The following ADCY9 variants were observed in gnomAD, a reference collection of about 807,000 sequenced individuals.
The protein encoded by ADCY9 is adenylate cyclase 9.
Under a neutral mutation model 101.5 loss-of-function variants are expected in ADCY9, and 50 were observed. That is an observed-to-expected ratio of 0.49 (90% confidence interval 0.39 to 0.62). The LOEUF (loss-of-function observed/expected upper bound fraction) is 0.62. Ranked by LOEUF, ADCY9 falls within the 20% of genes least tolerant of loss-of-function variation. The pLI, the probability that ADCY9 is intolerant of heterozygous loss-of-function variation, is 0.00. For missense variants in ADCY9, 1,662 were observed against 1,800.4 expected (o/e 0.92, Z 1.39); for synonymous variants, 905 against 769.3 (o/e 1.18, Z -2.92).
rs118165183 is a variant in ADCY9, at chr16:4,021,362, C to T, written c.1694-13804G>A. 1.8e-3 allele frequency among the ~76,000 whole-genome samples: 275 copies of T among 152,318 alleles called. 8 individuals are homozygous for T. In the East Asian group the frequency reaches 0.042, roughly 23 times the overall value. On this transcript the variant is annotated intron_variant, in intron 2 of 10. Transcript: ENST00000294016. ...ACTCCACCATCCCTTGCGCTGAAGCCTTAGCCTCAGGCAAATTCATGAACC... is the reference window on the plus strand; with the variant it reads ...ACTCCACCATCCCTTGCGCTGAAGCTTTAGCCTCAGGCAAATTCATGAACC...
chr16:4,111,281 T>C (rs1391375600), intron 2 of ADCY9, among the ~76,000 whole-genome samples: 1 of 152,126 alleles, frequency 6.6e-6, no homozygotes, highest in Admixed American at 6.6e-5. Flanking sequence ...GGGTTTTTTT[T>C]GTTTTTGTTG....
intron 2 of ADCY9, chr16:4,015,436 CGACACCCAG>C (rs2056432152): frequency 6.6e-6 from 1 of 151,574 alleles, no homozygotes; most frequent in Non-Finnish European, 1.5e-5. Flanking sequence ...CTCTGAGAGA[CGACACCCAG>C]CACACCCAGC....
At chr16:4,110,810 C>T (rs1018683773) in intron 2 of ADCY9, among the ~76,000 whole-genome samples, 5 of 152,172 alleles carry the variant, frequency 3.3e-5, no homozygotes, top group Non-Finnish European at 5.9e-5. Flanking sequence ...GCAGTAACTC[C>T]GGGTGTGGCC....
intron 2 of ADCY9, among the ~76,000 whole-genome samples, chr16:4,068,616 C>T (rs1279489329): frequency 6.6e-6 from 1 of 151,998 alleles, no homozygotes; most frequent in East Asian, 1.9e-4. Context: ...AGATCGAGAC[C>T]ATCCTGGCTA....
At chr16:4,101,709 A>C (rs2057044468) in intron 2 of ADCY9, among the ~76,000 whole-genome samples, 2 of 152,208 alleles carry the variant, frequency 1.3e-5, no homozygotes, top group Admixed American at 6.5e-5. Context: ...ATATTTAATG[A>C]ATAAACAAAT....
At position 3,966,754 on chromosome 16, in the gene ADCY9, G is replaced by C; in HGVS notation, c.3083C>G (p.Ala1028Gly). The change falls in exon 11 of 11, where the codon GCA (alanine) becomes GGA (glycine). Residue 1028 changes from alanine to glycine, a missense_variant. Transcript: ENST00000294016. ...RTKIQSMRDQ[A>G]DWLLRNIIPY... ...GATGATGTTCCTCAGCAGCCAGTCT[G>C]CCTGGTCCCGCATGCTCTGGATCTT... 6.2e-7 allele frequency: 1 copy of C among 1,614,208 alleles called. No individual in the cohort carries two copies. The highest frequency in any genetic ancestry group is 8.5e-7 in the Non-Finnish European group (1 of 1,180,030).
At chr16:4,005,440 G>C (rs569686777) in intron 3 of ADCY9, among the ~76,000 whole-genome samples, 7 of 152,210 alleles carry the variant, frequency 4.6e-5, no homozygotes, top group Admixed American at 1.3e-4. Context: ...CGATGACCAG[G>C]CTGGTCTGGA....
At chr16:4,004,391 T>G (rs1242529053) in intron 3 of ADCY9, among the ~76,000 whole-genome samples, 1 of 152,100 alleles carries the variant, frequency 6.6e-6, no homozygotes, top group Non-Finnish European at 1.5e-5. Context: ...CAGGTTATGT[T>G]ACATTAGATA....
chr16:4,108,360 A>ATTTCTTTTTTTT (rs2057091353), intron 2 of ADCY9, among the ~76,000 whole-genome samples: 1 of 53,712 alleles, frequency 1.9e-5, no homozygotes, highest in Non-Finnish European at 3.2e-5. Context: ...CCGTTTCTTC[A>ATTTCTTTTTTTT]TTTTTTTTTT....
intron 2 of ADCY9, among the ~76,000 whole-genome samples, chr16:4,109,721 A>G (rs900395193): frequency 3.3e-5 from 5 of 152,018 alleles, no homozygotes; most frequent in African/African-American, 7.3e-5. Context: ...CATCACCTCC[A>G]TCACTGCTAC....
chr16:3,978,984 G>T (rs567637622), intron 8 of ADCY9, 132 bp downstream of exon 8: 1 of 1,165,334 alleles, frequency 8.6e-7, no homozygotes, highest in Non-Finnish European at 1.2e-6. Flanking sequence ...CACAGTGCTG[G>T]GATTACAGGC....
At chr16:4,069,387 G>A (rs2056819681) in intron 2 of ADCY9, among the ~76,000 whole-genome samples, 1 of 151,710 alleles carries the variant, frequency 6.6e-6, no homozygotes, top group African/African-American at 2.4e-5. Flanking sequence ...GTTGTAAAAT[G>A]CAGATAATGA....
At chr16:4,009,330 G>T (rs989989980) in intron 2 of ADCY9, among the ~76,000 whole-genome samples, 3 of 152,176 alleles carry the variant, frequency 2.0e-5, no homozygotes, top group Non-Finnish European at 2.9e-5. Context: ...GGAGCGCAGT[G>T]GTGCAACCAT....
chr16:4,091,543 G>A (rs1360341513), intron 2 of ADCY9, among the ~76,000 whole-genome samples: 4 of 152,164 alleles, frequency 2.6e-5, no homozygotes, highest in African/African-American at 9.7e-5. Flanking sequence ...CAATAGCCAA[G>A]AGGCAGAAAC....
At chr16:3,976,829 T>G (rs1439289537) in intron 9 of ADCY9, among the ~76,000 whole-genome samples, 1 of 152,206 alleles carries the variant, frequency 6.6e-6, no homozygotes, top group Non-Finnish European at 1.5e-5. Context: ...GACTAATTTT[T>G]GTATTTTTCG....
At chr16:4,078,203 C>T (rs2056879985) in intron 2 of ADCY9, among the ~76,000 whole-genome samples, 2 of 152,154 alleles carry the variant, frequency 1.3e-5, no homozygotes, top group African/African-American at 2.4e-5. Context: ...CAACTCTATT[C>T]ATAATAGCCA....
At chr16:3,988,437 C>G (rs975560733) in intron 6 of ADCY9, among the ~76,000 whole-genome samples, 1 of 109,800 alleles carries the variant, frequency 9.1e-6, no homozygotes, top group African/African-American at 3.3e-5. Context: ...GAGTTCCCTT[C>G]CAGGGCAGGT....
chr16:4,015,967 C>A (rs1330222000), intron 2 of ADCY9, among the ~76,000 whole-genome samples: 99 of 142,166 alleles, frequency 7.0e-4, no homozygotes, highest in East Asian at 8.2e-4. Flanking sequence ...GACCCTGTCT[C>A]AAAAAAATAA....
intron 6 of ADCY9, among the ~76,000 whole-genome samples, chr16:3,986,373 C>T (rs1188128713): frequency 6.6e-6 from 1 of 152,216 alleles, no homozygotes; most frequent in East Asian, 1.9e-4. Flanking sequence ...GTTTCGGTAA[C>T]AGCCTCCCAC....
Sources: allele counts gnomAD v4.1 joint callset (sites outside exome capture counted in the v4.1 genomes callset), GRCh38; gene constraint gnomAD v4.1.1; transcripts MANE v1.5; gene names NCBI Gene and HGNC (gene_info 2026-07-23, HGNC 2026-07-21).